Variants in DAB1 observed in about 807,000 individuals in gnomAD.
DAB1 encodes the protein disabled homolog 1.
DAB1 carries 15 observed loss-of-function variants against 64.6 expected under a neutral mutation model. That is an observed-to-expected ratio of 0.23 (90% confidence interval 0.16 to 0.36). The LOEUF (loss-of-function observed/expected upper bound fraction) is 0.36. Ranked by LOEUF, DAB1 falls within the 10% of genes least tolerant of loss-of-function variation. The pLI, the probability that DAB1 is intolerant of heterozygous loss-of-function variation, is 1.00. For synonymous variants in DAB1, 235 were observed against 251.9 expected, an observed-to-expected ratio of 0.93 and a Z score of 0.64; for missense variants, 596 against 706.7, an observed-to-expected ratio of 0.84 and a Z score of 1.78.
intron 1 of DAB1, among the ~76,000 whole-genome samples, chr1:57,345,260 T>C (rs1048797597): frequency 2.6e-5 from 4 of 152,192 alleles, no homozygotes; most frequent in Non-Finnish European, 5.9e-5. Context: ...GAGCCTGCGC[T>C]GATTGTGTGC....
intron 2 of DAB1, among the ~76,000 whole-genome samples, chr1:57,145,830 C>A (rs1260290748): frequency 6.6e-6 from 1 of 152,260 alleles, no homozygotes; most frequent in South Asian, 2.1e-4. Context: ...ATATGAGCAC[C>A]GAGTCTCTGG....
chr1:57,186,932 T>C (rs1320416965), intron 2 of DAB1, among the ~76,000 whole-genome samples: 2 of 152,192 alleles, frequency 1.3e-5, no homozygotes, highest in Admixed American at 6.5e-5. Flanking sequence ...TCCAGGCTAA[T>C]TCATTTCTAT....
chr1:57,703,057 T>A (rs757848174), intron 6 of DAB1, among the ~76,000 whole-genome samples: 66 of 152,130 alleles, frequency 4.3e-4, no homozygotes, highest in Non-Finnish European at 8.7e-4. Context: ...ATTAAGAACT[T>A]AAATTTAAAA....
intron 1 of DAB1, among the ~76,000 whole-genome samples, chr1:57,368,087 T>A (rs753233768): frequency 7.9e-5 from 12 of 152,200 alleles, no homozygotes; most frequent in Non-Finnish European, 1.5e-4. Context: ...CTGGGCACTG[T>A]CACAGCCCAG....
chr1:58,230,977 T>A (rs1210624249), intron 4 of DAB1, among the ~76,000 whole-genome samples: 1 of 152,266 alleles, frequency 6.6e-6, no homozygotes, highest in Non-Finnish European at 1.5e-5. Flanking sequence ...CACTTATTAA[T>A]GAAGCAAGTT....
At chr1:57,284,677 T>A (rs1387649485) in intron 2 of DAB1, among the ~76,000 whole-genome samples, 1 of 152,270 alleles carries the variant, frequency 6.6e-6, no homozygotes, top group Non-Finnish European at 1.5e-5. Flanking sequence ...ATTGTTTTCT[T>A]AAAAGATCAT....
intron 7 of DAB1, among the ~76,000 whole-genome samples, chr1:57,639,547 G>A (rs969023576): frequency 2.0e-5 from 3 of 152,114 alleles, no homozygotes; most frequent in Admixed American, 1.3e-4. Context: ...CAGTGTGAAG[G>A]AGGGTTTGGA....
chr1:58,524,685 A>T (rs1646322287), intron 2 of DAB1, among the ~76,000 whole-genome samples: 1 of 152,212 alleles, frequency 6.6e-6, no homozygotes, highest in African/African-American at 2.4e-5. Flanking sequence ...TGCAGACCTC[A>T]ATCTACAGTA....
chr1:57,464,794 C>T (rs1385943956), intron 7 of DAB1, among the ~76,000 whole-genome samples: 4 of 151,956 alleles, frequency 2.6e-5, no homozygotes, highest in Non-Finnish European at 5.9e-5. Flanking sequence ...GGCAGGTTGA[C>T]ATTTGTTGTA....
intron 7 of DAB1, among the ~76,000 whole-genome samples, chr1:57,475,982 T>G (rs760685098): frequency 3.7e-4 from 56 of 152,280 alleles, no homozygotes; most frequent in Middle Eastern, 6.8e-3. Flanking sequence ...CCCTACACTT[T>G]GGGAGGCTGA....
intron 1 of DAB1, among the ~76,000 whole-genome samples, chr1:57,395,185 C>T (rs1018904372): frequency 6.6e-6 from 1 of 152,056 alleles, no homozygotes; most frequent in Non-Finnish European, 1.5e-5. Context: ...CGACCACGCT[C>T]AGCTAATTTT....
At chr1:57,576,727 T>C (rs933964208) in intron 7 of DAB1, among the ~76,000 whole-genome samples, 1 of 152,202 alleles carries the variant, frequency 6.6e-6, no homozygotes, top group African/African-American at 2.4e-5. Context: ...CAGGTGGTGA[T>C]ATATACTGCC....
chr1:57,396,912 C>G (rs1368142234), intron 1 of DAB1, among the ~76,000 whole-genome samples: 4 of 152,130 alleles, frequency 2.6e-5, no homozygotes, highest in African/African-American at 7.2e-5. Context: ...ATATGTTTAT[C>G]TTTCTCATAT....
At chr1:57,141,265 G>C (rs984674625) in intron 3 of DAB1, among the ~76,000 whole-genome samples, 18 of 152,240 alleles carry the variant, frequency 1.2e-4, no homozygotes, top group African/African-American at 4.3e-4. Flanking sequence ...GACTAGAACT[G>C]CATTCTCTGA....
intron 2 of DAB1, among the ~76,000 whole-genome samples, chr1:57,171,778 C>A (rs557607938): frequency 1.3e-5 from 2 of 152,220 alleles, no homozygotes; most frequent in South Asian, 4.1e-4. Flanking sequence ...CTGCAGCATG[C>A]TGATTTGAAT....
intron 7 of DAB1, among the ~76,000 whole-genome samples, chr1:57,541,001 A>G (rs1644795650): frequency 6.6e-6 from 1 of 152,262 alleles, no homozygotes; most frequent in Non-Finnish European, 1.5e-5. Context: ...CAAAGAAATG[A>G]TAAATGCTCG....
chr1:57,572,673 T>C (rs533116854), intron 7 of DAB1, among the ~76,000 whole-genome samples: 1 of 152,108 alleles, frequency 6.6e-6, no homozygotes, highest in Non-Finnish European at 1.5e-5. Context: ...GTCATTCTTG[T>C]GTTGCTATAA....
At chr1:57,570,548 C>A (rs1172240750) in intron 7 of DAB1, among the ~76,000 whole-genome samples, 2 of 152,058 alleles carry the variant, frequency 1.3e-5, no homozygotes, top group Non-Finnish European at 1.5e-5. Context: ...TATTTTTATA[C>A]CAGTACCATG....
At chr1:57,612,124 C>G (rs1375264679) in intron 7 of DAB1, among the ~76,000 whole-genome samples, 1 of 152,038 alleles carries the variant, frequency 6.6e-6, no homozygotes, top group East Asian at 1.9e-4. Context: ...CATCTCTTAC[C>G]TAAAATAGCT....
Sources: allele counts gnomAD v4.1 joint callset (sites outside exome capture counted in the v4.1 genomes callset), GRCh38; gene constraint gnomAD v4.1.1; transcripts MANE v1.5; gene names NCBI Gene and HGNC (gene_info 2026-07-23, HGNC 2026-07-21).